The following UBR1 variants were observed in gnomAD, a reference collection of about 807,000 sequenced individuals.
UBR1 encodes the protein E3 ubiquitin-protein ligase UBR1.
In UBR1, 102 loss-of-function variants were observed where a neutral mutation model predicts 242.1. That is an observed-to-expected ratio of 0.42 (90% confidence interval 0.36 to 0.50). UBR1 has a LOEUF of 0.50. UBR1 is among the 20% of genes least tolerant of loss of function. UBR1 has a pLI of 0.01. For missense variants in UBR1, 1,772 were observed against 2,101.8 expected (o/e 0.84, Z 3.07); for synonymous variants, 675 against 684.8 (o/e 0.99, Z 0.22).
At chr15:42,948,133 T>C (rs1031978406) in intron 46 of UBR1, among the ~76,000 whole-genome samples, 2 of 152,134 alleles carry the variant, frequency 1.3e-5, no homozygotes, top group African/African-American at 4.8e-5. Flanking sequence ...TAATGCTGCA[T>C]ATCTACATCT....
intron 27 of UBR1, 88 bp downstream of exon 27, chr15:43,021,187 C>A: frequency 2.0e-6 from 2 of 1,022,410 alleles, no homozygotes; most frequent in Non-Finnish European, 1.5e-6. Context: ...TAAATGTCTA[C>A]AATGGTACAG....
At chr15:42,998,749 T>C (rs1375066718) in intron 32 of UBR1, among the ~76,000 whole-genome samples, 1 of 152,192 alleles carries the variant, frequency 6.6e-6, no homozygotes, top group Admixed American at 6.5e-5. Flanking sequence ...TCTACTCTTG[T>C]GTTTCATTTA....
intron 39 of UBR1, among the ~76,000 whole-genome samples, chr15:42,973,768 T>C (rs568989707): frequency 3.3e-5 from 5 of 152,292 alleles, no homozygotes; most frequent in African/African-American, 1.2e-4. Flanking sequence ...TTTAATTTTA[T>C]TATAATGAAG....
In UBR1 at chr15:43,086,037, T is replaced by C. The variant is rs766173242; in HGVS notation, c.285A>G (p.Ala95=). The change falls in exon 2 of 47, where the codon GCA becomes GCG. Residue 95 remains alanine, a synonymous_variant. Coordinates refer to ENST00000290650, the MANE Select transcript of UBR1 (RefSeq NM_174916.3). The stretch of plus-strand genomic sequence containing the variant: ...TGAAAACCCTCCCACAAAGCTGAAA[T>C]GCTCCACTGTGCTTCAATTTCTCTA... The part of the protein sequence containing the change: ...ICLEKLKHSG[A]FQLCGRVFKS... 6.2e-7 allele frequency: 1 copy of C among 1,613,868 alleles called. No homozygotes were observed. The highest frequency in any genetic ancestry group is 8.5e-7 in the Non-Finnish European group (1 of 1,179,984).
At chr15:43,071,295 T>G (rs905211883) in intron 4 of UBR1, among the ~76,000 whole-genome samples, 3 of 152,210 alleles carry the variant, frequency 2.0e-5, no homozygotes, top group African/African-American at 7.2e-5. Flanking sequence ...CAGATCCTCA[T>G]GGCTCTCTCT....
In UBR1 at chr15:43,002,577, A is replaced by C; in HGVS notation, c.3637T>G (p.Leu1213Val). Residue 1213 changes from leucine (L) to valine (V), a missense_variant, in exon 32 of 47, where the codon TTG (leucine) becomes GTG (valine). By Grantham distance (32) the Leu-to-Val change is conservative (BLOSUM62 1). Transcript: ENST00000290650. The stretch of plus-strand genomic sequence containing the variant: ...TACCTGTTTATCTTTTGAGGTTGCA[A>C]AGGAATAATGGGGATCACAGTATTG... ...LCNTVIPIIPLQPQKINSENA... is the reference protein window; with the variant it reads ...LCNTVIPIIPVQPQKINSENA... The C allele has an allele frequency of 6.2e-7, 1 of 1,614,160 alleles. No homozygotes were observed. The highest frequency in any genetic ancestry group is 1.1e-5 in the South Asian group (1 of 91,082).
At chr15:42,999,973 T>C (rs1018126255) in intron 32 of UBR1, among the ~76,000 whole-genome samples, 43 of 152,178 alleles carry the variant, frequency 2.8e-4, no homozygotes, top group Non-Finnish European at 2.9e-5. Context: ...AAGAAGTTTT[T>C]TTTGTTTTCA....
At chr15:43,031,143 A>T (rs2033251818) in intron 20 of UBR1, among the ~76,000 whole-genome samples, 1 of 152,178 alleles carries the variant, frequency 6.6e-6, no homozygotes, top group South Asian at 2.1e-4. Context: ...TCTATTTCTT[A>T]ATGATTTTCC....
chr15:42,952,031 T>A (rs780873983), intron 45 of UBR1, among the ~76,000 whole-genome samples: 3 of 152,248 alleles, frequency 2.0e-5, no homozygotes, highest in African/African-American at 7.2e-5. Context: ...GAGTATTATA[T>A]AATACCAGAG....
chr15:43,014,849 GCCCGGCCAGCCGCCCCGTCCCA>G (rs2032990252), intron 29 of UBR1, among the ~76,000 whole-genome samples: 3 of 119,666 alleles, frequency 2.5e-5, no homozygotes, highest in Middle Eastern at 4.9e-3. Context: ...GTCAGCCCCC[GCCCGGCCAGCCGCCCCGTCCCA>G]GAGGGAGGTG....
Position 42,988,886 on chromosome 15 carries a change from A to G in UBR1, c.3930T>C (p.Pro1310=). ...TIYRIGLKVP[P]DERDPRVPML... The stretch of plus-strand genomic sequence containing the variant: ...TGGGGACTCGAGGATCCCTTTCATC[A>G]GGTGGCACTTTCAATCCAATTCTAT... The change falls in exon 35 of 47, where the codon CCT becomes CCC. Residue 1310 remains proline (P), a synonymous_variant. Transcript: ENST00000290650. 2 of 1,614,200 alleles carry G rather than the reference A, an allele frequency of 1.2e-6. No individual in the cohort carries two copies. Among genetic ancestry groups the G allele is most frequent in the African/African-American group, 2.7e-5 (2 of 75,058 alleles).
chr15:42,995,842 T>C (rs2032629817), intron 33 of UBR1, among the ~76,000 whole-genome samples: 1 of 152,230 alleles, frequency 6.6e-6, no homozygotes, highest in Non-Finnish European at 1.5e-5. Flanking sequence ...GAGGGGAAAC[T>C]GACAGGACGT....
intron 1 of UBR1, among the ~76,000 whole-genome samples, chr15:43,098,426 T>C (rs1025403620): frequency 6.6e-6 from 1 of 152,126 alleles, no homozygotes; most frequent in Admixed American, 6.5e-5. Flanking sequence ...TGAGACAGGG[T>C]TGCCATAGAC....
intron 19 of UBR1, among the ~76,000 whole-genome samples, chr15:43,034,169 T>C (rs889852117): frequency 6.6e-6 from 1 of 151,296 alleles, no homozygotes; most frequent in African/African-American, 2.4e-5. Flanking sequence ...ACCCAGGAGG[T>C]GGAGGCTGCA....
rs574923036 is a variant in UBR1, at chr15:43,031,895, G to A, written c.2254+673C>T. On this transcript the variant is annotated intron_variant, in intron 20 of 46. Transcript: ENST00000290650. Reference sequence around the variant, plus strand: ...ACATATATACAAAAATTGGCCAGGCGTGGTGGCGCACACCTGTGGTCCCAG... The same window carrying A: ...ACATATATACAAAAATTGGCCAGGCATGGTGGCGCACACCTGTGGTCCCAG... Among the ~76,000 whole-genome samples the A allele has an allele frequency of 4.6e-5, 7 of 152,244 alleles. No individual in the cohort carries two copies. In the East Asian group the frequency reaches 5.8e-4, roughly 13 times the overall value.
At chr15:42,991,899 G>C (rs1481246134) in intron 33 of UBR1, among the ~76,000 whole-genome samples, 2 of 151,936 alleles carry the variant, frequency 1.3e-5, no homozygotes, top group Non-Finnish European at 2.9e-5. Context: ...CCACCAAACA[G>C]AGCTAATTTT....
intron 37 of UBR1, among the ~76,000 whole-genome samples, chr15:42,980,141 G>C (rs1304433829): frequency 6.6e-6 from 1 of 151,808 alleles, no homozygotes; most frequent in Non-Finnish European, 1.5e-5. Flanking sequence ...CTGATCCCTC[G>C]TCCTAATTTC....
chr15:42,969,872 T>G (rs985459731), intron 40 of UBR1, among the ~76,000 whole-genome samples: 1 of 152,344 alleles, frequency 6.6e-6, no homozygotes, highest in South Asian at 2.1e-4. Flanking sequence ...AAACATTCCA[T>G]GTTCACAGAC....
At chr15:42,962,275 T>G (rs1296367780) in intron 42 of UBR1, among the ~76,000 whole-genome samples, 1 of 151,972 alleles carries the variant, frequency 6.6e-6, no homozygotes, top group Admixed American at 6.6e-5. Flanking sequence ...AAGCCAACCA[T>G]GAGACAAAAA....
Sources: allele counts gnomAD v4.1 joint callset (sites outside exome capture counted in the v4.1 genomes callset), GRCh38; gene constraint gnomAD v4.1.1; transcripts MANE v1.5; gene names NCBI Gene and HGNC (gene_info 2026-07-23, HGNC 2026-07-21).